SPG11: variants seen among roughly 807,000 people sequenced by gnomAD.
SPG11 encodes SPG11 vesicle trafficking associated, spatacsin.
A neutral mutation model predicts 274.0 loss-of-function variants in SPG11; 222 were observed. The observed-to-expected ratio is 0.81, with a 90% CI of 0.73 to 0.91. SPG11 has a LOEUF of 0.91. SPG11 is among the 40% of genes least tolerant of loss of function. SPG11 has a pLI of 0.00. For synonymous variants in SPG11, 1,144 were observed against 1,039.7 expected (o/e 1.10, Z -1.93); for missense variants, 3,114 against 2,872.7 (o/e 1.08, Z -1.92).
intron 15 of SPG11, among the ~76,000 whole-genome samples, chr15:44,617,300 G>A (rs2083613576): frequency 6.6e-6 from 1 of 152,122 alleles, no homozygotes; most frequent in Non-Finnish European, 1.5e-5. Context: ...TACTCCCAAG[G>A]TTGTGAAGAT....
At chr15:44,626,657 A>C (rs1265675551) in intron 10 of SPG11, 150 bp from the exon 11 acceptor site, 5 of 798,676 alleles carry the variant, frequency 6.3e-6, no homozygotes, top group Non-Finnish European at 7.9e-6. Context: ...AAGGGATATT[A>C]AATTGAGTAA....
At chr15:44,650,992 T>C (rs936262503) in intron 6 of SPG11, among the ~76,000 whole-genome samples, 1 of 152,068 alleles carries the variant, frequency 6.6e-6, no homozygotes, top group Non-Finnish European at 1.5e-5. Context: ...AGGTTATCCA[T>C]CCACCTCAGC....
chr15:44,635,436 T>A (rs2084211087), intron 7 of SPG11, among the ~76,000 whole-genome samples: 1 of 151,364 alleles, frequency 6.6e-6, no homozygotes, highest in Admixed American at 6.6e-5. Context: ...AGACCTTGTC[T>A]CTACTAAAAA....
chr15:44,652,039 C>T, intron 5 of SPG11, 90 bp downstream of exon 5: 2 of 1,558,524 alleles, frequency 1.3e-6, no homozygotes, highest in South Asian at 1.2e-5. Flanking sequence ...AAAAAAGTAT[C>T]TATCAAATAA....
At position 44,584,562 on chromosome 15, in the gene SPG11, T is replaced by C; in HGVS notation, c.5122-4A>G. 6.2e-7 allele frequency: 1 copy of C among 1,607,530 alleles called. No homozygotes were observed. Among genetic ancestry groups the C allele is most frequent in the Non-Finnish European group, 8.5e-7 (1 of 1,179,986 alleles). On this transcript the variant is annotated splice_polypyrimidine_tract_variant and splice_region_variant and intron_variant, in intron 29 of 39. Coordinates refer to ENST00000261866, the MANE Select transcript of SPG11 (RefSeq NM_025137.4). ...GGGTCTGCATTTCCTGTGTTATCTG[T>C]GAAATTTAACAAAGCAGATTTTAGC... is the stretch of plus-strand genomic sequence containing the variant.
intron 15 of SPG11, among the ~76,000 whole-genome samples, chr15:44,619,722 T>A (rs2083687841): frequency 8.4e-6 from 1 of 119,290 alleles, no homozygotes; most frequent in Admixed American, 7.8e-5. Context: ...ATGCATATGA[T>A]TTTTTTTTTT....
At chr15:44,577,149 G>T (rs1030867112) in intron 30 of SPG11, among the ~76,000 whole-genome samples, 1 of 151,524 alleles carries the variant, frequency 6.6e-6, no homozygotes, top group Non-Finnish European at 1.5e-5. Flanking sequence ...TTTACTTTAT[G>T]CGTTTCTATG....
intron 14 of SPG11, chr15:44,621,482 C>A: frequency 2.4e-6 from 1 of 413,870 alleles, no homozygotes; most frequent in East Asian, 5.3e-5. Context: ...AAGCTCAAGA[C>A]TATTTGAAAA....
At chr15:44,611,887 G>A (rs2083468220) in intron 17 of SPG11, among the ~76,000 whole-genome samples, 2 of 131,734 alleles carry the variant, frequency 1.5e-5, no homozygotes, top group East Asian at 5.0e-4. Flanking sequence ...CTCACTGCAA[G>A]CTCCACCTCC....
intron 37 of SPG11, 93 bp downstream of exon 37, chr15:44,566,124 C>G: frequency 6.3e-7 from 1 of 1,586,038 alleles, no homozygotes; most frequent in South Asian, 1.1e-5. Context: ...GATGCCCTCC[C>G]GCTTCACCTG....
chr15:44,611,065 A>C, intron 17 of SPG11, 80 bp from the exon 18 acceptor site: 1 of 1,258,492 alleles, frequency 7.9e-7, no homozygotes, highest in Non-Finnish European at 1.1e-6. Context: ...GAGAACAATA[A>C]CATAAATTTT....
At chr15:44,566,421 C>T (rs2082310706) in intron 36 of SPG11, 116 bp from the exon 37 acceptor site, 3 of 977,346 alleles carry the variant, frequency 3.1e-6, no homozygotes, top group Non-Finnish European at 4.8e-6. Flanking sequence ...CACAGGCAGG[C>T]AGGAACACCT....
intron 32 of SPG11, among the ~76,000 whole-genome samples, 160 bp from the exon 33 acceptor site, chr15:44,572,980 CTTTTTTT>C (rs974510197): frequency 1.2e-4 from 10 of 83,300 alleles, no homozygotes; most frequent in South Asian, 4.6e-4. Context: ...GACAGGAGTT[CTTTTTTT>C]TTTTTTTTTT....
At chr15:44,629,996 G>A (rs780691376) in intron 8 of SPG11, among the ~76,000 whole-genome samples, 6 of 152,094 alleles carry the variant, frequency 3.9e-5, no homozygotes, top group Admixed American at 6.6e-5. Context: ...GCTTGAACCC[G>A]GGAGGCGGAG....
chr15:44,610,671 C>A (rs1462904409), intron 18 of SPG11, among the ~76,000 whole-genome samples, 169 bp downstream of exon 18: 1 of 152,230 alleles, frequency 6.6e-6, no homozygotes, highest in African/African-American at 2.4e-5. Context: ...AGCCACTGCA[C>A]CGGGCCGAGA....
chr15:44,649,962 C>G (rs970134867), intron 6 of SPG11, among the ~76,000 whole-genome samples: 1 of 151,528 alleles, frequency 6.6e-6, no homozygotes, highest in Non-Finnish European at 1.5e-5. Flanking sequence ...AATCCTGGAA[C>G]CTTTAATCAT....
chr15:44,613,425 C>T lies in SPG11; in HGVS notation c.3145+5G>A. On this transcript the variant is annotated splice_donor_5th_base_variant and intron_variant, in intron 17 of 39. Transcript: ENST00000261866. The stretch of plus-strand genomic sequence containing the variant: ...GTTTCTGTGTTTAATACAGTATACC[C>T]ATACCTGTTAAGTTACTGGCAACTT... The T allele has an allele frequency of 6.3e-7, 1 of 1,585,014 alleles. No individual in the cohort carries two copies. The highest frequency in any genetic ancestry group is 8.7e-7 in the Non-Finnish European group (1 of 1,153,718).
At chr15:44,603,283 G>A (rs2083241883) in intron 20 of SPG11, among the ~76,000 whole-genome samples, 1 of 152,076 alleles carries the variant, frequency 6.6e-6, no homozygotes, top group African/African-American at 2.4e-5. Flanking sequence ...TGTAGAGACA[G>A]TGTCTTGCTA....
At chr15:44,573,793 A>G (rs1210394710) in intron 31 of SPG11, 48 bp from the exon 32 acceptor site, 3 of 1,584,762 alleles carry the variant, frequency 1.9e-6, no homozygotes, top group Non-Finnish European at 2.6e-6. Flanking sequence ...AAGCCAGGAA[A>G]AAGCAAAAGA....
Sources: allele counts gnomAD v4.1 joint callset (sites outside exome capture counted in the v4.1 genomes callset), GRCh38; gene constraint gnomAD v4.1.1; transcripts MANE v1.5; gene names NCBI Gene and HGNC (gene_info 2026-07-23, HGNC 2026-07-21).